EPAS1: variants seen among roughly 807,000 people sequenced by gnomAD.
The protein encoded by EPAS1 is endothelial PAS domain-containing protein 1.
A neutral mutation model predicts 87.9 loss-of-function variants in EPAS1; 23 were observed. The observed-to-expected ratio is 0.26, with a 90% CI of 0.19 to 0.37. EPAS1 has a LOEUF of 0.37. Ranked by LOEUF, EPAS1 falls within the 10% of genes least tolerant of loss-of-function variation. The pLI, the probability that EPAS1 is intolerant of heterozygous loss-of-function variation, is 1.00. For missense variants in EPAS1, 1,138 were observed against 1,120.7 expected (o/e 1.02, Z -0.22); for synonymous variants, 508 against 444.3 (o/e 1.14, Z -1.80).
chr2:46,315,226 G>A (rs1013517763), intron 1 of EPAS1, among the ~76,000 whole-genome samples: 1 of 152,182 alleles, frequency 6.6e-6, no homozygotes, highest in Non-Finnish European at 1.5e-5. Flanking sequence ...GCAACCCGGA[G>A]GAACTGTGTC....
At chr2:46,324,058 T>G (rs145823457) in intron 1 of EPAS1, among the ~76,000 whole-genome samples, 10 of 152,250 alleles carry the variant, frequency 6.6e-5, no homozygotes, top group African/African-American at 2.4e-4. Context: ...GCAGGGTGAA[T>G]TATGGTTTTT....
At chr2:46,305,295 C>T (rs1477074232) in intron 1 of EPAS1, among the ~76,000 whole-genome samples, 3 of 152,150 alleles carry the variant, frequency 2.0e-5, no homozygotes, top group African/African-American at 7.2e-5. Context: ...AGAATGTTAT[C>T]CACTTCTAAG....
chr2:46,380,702 C>T lies in EPAS1; in HGVS notation c.2030C>T (p.Ser677Phe). 1 of 1,612,404 alleles carries T rather than the reference C, an allele frequency of 6.2e-7. No homozygotes were observed. The highest frequency in any genetic ancestry group is 8.5e-7 in the Non-Finnish European group (1 of 1,180,014). Residue 677 changes from serine to phenylalanine, a missense_variant, in exon 12 of 16, where the codon TCC becomes TTC. By Grantham distance (155) the Ser-to-Phe change is radical. Around this residue, in one of 4 missense-constraint regions of EPAS1, gnomAD observed 502 missense variants for 427.1 expected, o/e 1.18. Coordinates refer to ENST00000263734, the MANE Select transcript of EPAS1 (RefSeq NM_001430.5). This position sits in a 1 kb window ranked among gnomAD's most constrained non-coding sequence, Gnocchi z 4.4. ...CCCCCTGTCTCTCCACCCCATGTCT[C>T]CACCTTCAAGACAAGGTAAGTGGCA... ...LGPPVSPPHV[S>F]TFKTRSAKGF...
intron 1 of EPAS1, among the ~76,000 whole-genome samples, chr2:46,328,604 G>A (rs1019030884): frequency 2.0e-5 from 3 of 152,152 alleles, no homozygotes; most frequent in African/African-American, 4.8e-5. Context: ...TTCCTTCCCA[G>A]TACAGAACCC....
At chr2:46,340,388 C>CAGCGG (rs1056009950) in intron 1 of EPAS1, among the ~76,000 whole-genome samples, 5 of 152,306 alleles carry the variant, frequency 3.3e-5, no homozygotes, top group African/African-American at 1.2e-4. Flanking sequence ...GGCTCAGCCC[C>CAGCGG]AGCGGAGCGG....
At chr2:46,333,939 C>T (rs1196725675) in intron 1 of EPAS1, among the ~76,000 whole-genome samples, 4 of 152,076 alleles carry the variant, frequency 2.6e-5, no homozygotes, top group Admixed American at 1.3e-4. Context: ...CCAGAGGAGG[C>T]GTGTGCCCTG....
intron 2 of EPAS1, 22 bp from the exon 3 acceptor site, chr2:46,356,129 T>TGGGGGGGGGGGGGGG: frequency 8.0e-7 from 1 of 1,242,738 alleles, no homozygotes; most frequent in Non-Finnish European, 1.1e-6. Flanking sequence ...ATGCAAGCTG[T>TGGGGGGGGGGGGGGG]CCCACCCCCC....
rs917459833 is a variant in EPAS1 at position 46,342,691 on chromosome 2, G to A, written c.27-4182G>A. 3.3e-5 allele frequency among the ~76,000 whole-genome samples: 5 copies of A among 152,214 alleles called. No homozygotes were observed. The East Asian group carries it at 9.6e-4, about 29-fold the overall frequency. On this transcript the variant is annotated intron_variant, in intron 1 of 15. Transcript: ENST00000263734. ...GGAACCAAGATCATCTTGACCAAGA[G>A]CAGATCATCCTTAGATTCATGACCT...
chr2:46,369,737 G>C (rs1684585351), intron 6 of EPAS1, 90 bp from the exon 7 acceptor site: 1 of 874,312 alleles, frequency 1.1e-6, no homozygotes, highest in Non-Finnish European at 1.9e-6. Flanking sequence ...GTGTGTGTTT[G>C]ATTTGCCTTC....
rs139064520 is a variant in EPAS1 at position 46,336,846 on chromosome 2, G to A, written c.27-10027G>A. On this transcript the variant is annotated intron_variant, in intron 1 of 15. Coordinates refer to ENST00000263734, the MANE Select transcript of EPAS1 (RefSeq NM_001430.5). ...CTGCACTGTAACAAGATCCCTGGGT[G>A]ATTCCTGGCCACAGCAAAGGTTGGG... Among the ~76,000 whole-genome samples, 1,054 of 152,346 alleles carry A rather than the reference G, an allele frequency of 6.9e-3. 7 individuals are homozygous for A. Among genetic ancestry groups the A allele is most frequent in the Non-Finnish European group, 0.011 (732 of 68,032 alleles).
rs779989699 is a variant in EPAS1 at position 46,382,510 on chromosome 2, C to G, written c.2373C>G (p.Pro791=). ...PLPQPPSAIS[P]GENSKSRFPP... The stretch of plus-strand genomic sequence containing the variant: ...CACAGCCTCCATCTGCCATCAGTCC[C>G]GGGGAGAACAGCAAGAGCAGGTTCC... The change falls in exon 15 of 16, where the codon CCC becomes CCG. Residue 791 remains proline (P), a synonymous_variant. Coordinates refer to ENST00000263734, the MANE Select transcript of EPAS1 (RefSeq NM_001430.5). 2.5e-6 allele frequency: 4 copies of G among 1,614,070 alleles called. No individual in the cohort carries two copies. The East Asian group carries it at 8.9e-5, about 36-fold the overall frequency.
chr2:46,324,067 T>G (rs1288742321), intron 1 of EPAS1, among the ~76,000 whole-genome samples: 1 of 152,320 alleles, frequency 6.6e-6, no homozygotes, highest in South Asian at 2.1e-4. Flanking sequence ...ATTATGGTTT[T>G]TTTGTTTGTT....
intron 4 of EPAS1, among the ~76,000 whole-genome samples, chr2:46,358,229 C>T (rs1404865126): frequency 6.6e-6 from 1 of 152,236 alleles, no homozygotes; most frequent in Non-Finnish European, 1.5e-5. Context: ...CAACCACCTC[C>T]TCTTCTACCA....
intron 1 of EPAS1, among the ~76,000 whole-genome samples, chr2:46,325,094 C>T (rs534107668): frequency 3.9e-4 from 60 of 152,374 alleles, no homozygotes; most frequent in African/African-American, 1.4e-3. Flanking sequence ...CTCCTGAGGA[C>T]AGGACCCTGG....
At chr2:46,382,799 G>A (rs1405836586) in intron 15 of EPAS1, among the ~76,000 whole-genome samples, 1 of 152,206 alleles carries the variant, frequency 6.6e-6, no homozygotes, top group African/African-American at 2.4e-5. Context: ...AGGCCCCCCA[G>A]TGGGTGGGTC....
intron 6 of EPAS1, among the ~76,000 whole-genome samples, chr2:46,369,106 A>T (rs768178812): frequency 7.9e-5 from 12 of 152,214 alleles, no homozygotes; most frequent in South Asian, 2.1e-4. Flanking sequence ...ATTAGAGTAT[A>T]ATAAGGCACA....
At chr2:46,314,278 C>T (rs1248921058) in intron 1 of EPAS1, among the ~76,000 whole-genome samples, 3 of 152,196 alleles carry the variant, frequency 2.0e-5, no homozygotes, top group South Asian at 2.1e-4. Context: ...ATGCCACTGT[C>T]GGTTCTTACC....
chr2:46,357,392 C>T (rs1412656886), intron 4 of EPAS1, among the ~76,000 whole-genome samples: 2 of 152,180 alleles, frequency 1.3e-5, no homozygotes, highest in East Asian at 3.9e-4. Context: ...CATGCTGGGA[C>T]AACAGGACTG....
rs780163748 is a variant in EPAS1, at chr2:46,378,741, G to C, written c.1528G>C (p.Glu510Gln). 6.2e-7 allele frequency: 1 copy of C among 1,614,096 alleles called. No individual in the cohort carries two copies. ...VIEKLFAMDT[E>Q]AKDQCSTQTD... ...TGAGAAGCTCTTCGCCATGGACACAGAGGCCAAGGACCAATGCAGTACCCA... is the reference window on the plus strand; with the variant it reads ...TGAGAAGCTCTTCGCCATGGACACACAGGCCAAGGACCAATGCAGTACCCA... The change falls in exon 11 of 16, where the codon GAG becomes CAG. Residue 510 changes from glutamate (E) to glutamine (Q), a missense_variant. Coordinates refer to ENST00000263734, the MANE Select transcript of EPAS1 (RefSeq NM_001430.5).
Sources: gnomAD v4.1 joint callset for allele counts (sites outside exome capture counted in the v4.1 genomes callset) on GRCh38, gnomAD v4.1.1 for gene constraint, gnomAD v4.1.1 regional missense constraint, Gnocchi (gnomAD v3.1) non-coding constraint, MANE v1.5 for transcripts, NCBI Gene and HGNC (gene_info 2026-07-23, HGNC 2026-07-21) for gene names.